The following CNOT4 variants were observed in gnomAD, a reference collection of about 807,000 sequenced individuals.
CNOT4 encodes the protein CCR4-associated factor 4.
In CNOT4, 8 loss-of-function variants were observed where a neutral mutation model predicts 73.8. The ratio of observed to expected loss-of-function variants is 0.11; its 90% CI spans 0.06 to 0.20. The LOEUF is 0.20. Ranked by LOEUF, CNOT4 falls within the 10% of genes least tolerant of loss-of-function variation. CNOT4 has a pLI of 1.00. For synonymous variants in CNOT4, 293 were observed against 321.1 expected, an observed-to-expected ratio of 0.91 and a Z score of 0.94; for missense variants, 564 against 883.4, an observed-to-expected ratio of 0.64 and a Z score of 4.58.
intron 10 of CNOT4, chr7:135,388,839 T>C (rs754378124): frequency 6.2e-7 from 1 of 1,613,148 alleles, no homozygotes; most frequent in Non-Finnish European, 8.5e-7. Context: ...GTCCTTGTTG[T>C]AATGAATGGG....
At chr7:135,419,539 G>A (rs981754214) in intron 3 of CNOT4, among the ~76,000 whole-genome samples, 1 of 151,996 alleles carries the variant, frequency 6.6e-6, no homozygotes, top group Non-Finnish European at 1.5e-5. Context: ...ATAAAGGAAA[G>A]CACCCATTTA....
intron 2 of CNOT4, among the ~76,000 whole-genome samples, chr7:135,429,059 T>C (rs1798672270): frequency 6.6e-6 from 1 of 152,178 alleles, no homozygotes. Context: ...GTCTACTTCA[T>C]CTATTTCTAA....
intron 10 of CNOT4, chr7:135,388,728 T>A (rs1424060377): frequency 1.3e-6 from 2 of 1,560,146 alleles, no homozygotes; most frequent in Non-Finnish European, 1.7e-6. Context: ...CATAAAGGAA[T>A]CATGCAAAAA....
At chr7:135,415,897 G>A (rs975586217) in intron 3 of CNOT4, among the ~76,000 whole-genome samples, 3 of 151,450 alleles carry the variant, frequency 2.0e-5, no homozygotes, top group East Asian at 1.9e-4. Context: ...GTAACATTTC[G>A]GAAACAAATT....
chr7:135,494,413 G>C (rs1803319087), intron 1 of CNOT4, among the ~76,000 whole-genome samples: 1 of 148,354 alleles, frequency 6.7e-6, no homozygotes, highest in African/African-American at 2.5e-5. Context: ...GAGGTTTCAG[G>C]GAGCCGAGAT....
chr7:135,376,426 C>A (rs1028341255), intron 10 of CNOT4, among the ~76,000 whole-genome samples: 1 of 152,020 alleles, frequency 6.6e-6, no homozygotes. Context: ...GCAGATCACT[C>A]GGGACTGGCC....
chr7:135,481,271 CA>C (rs1169083838), intron 1 of CNOT4, among the ~76,000 whole-genome samples: 1 of 151,374 alleles, frequency 6.6e-6, no homozygotes, highest in East Asian at 1.9e-4. Flanking sequence ...AAAAAGTGGG[CA>C]AAGGACATGA....
chr7:135,397,674 C>T (rs1376816630), intron 8 of CNOT4, among the ~76,000 whole-genome samples: 1 of 151,586 alleles, frequency 6.6e-6, no homozygotes, highest in Non-Finnish European at 1.5e-5. Context: ...ACGGTCAGCA[C>T]TCCACTCAGT....
At chr7:135,384,591 C>A (rs1300111585) in intron 10 of CNOT4, 1 of 741,614 alleles carries the variant, frequency 1.3e-6, no homozygotes, top group Non-Finnish European at 2.5e-6. Flanking sequence ...GGCCACCCAC[C>A]TCTCTTAAGC....
chr7:135,392,352 C>T (rs1411778037), intron 10 of CNOT4, among the ~76,000 whole-genome samples: 1 of 152,014 alleles, frequency 6.6e-6, no homozygotes, highest in African/African-American at 2.4e-5. Context: ...AATAGAAACC[C>T]TCATATTCAC....
intron 1 of CNOT4, among the ~76,000 whole-genome samples, chr7:135,472,323 A>G (rs1031417794): frequency 4.1e-5 from 6 of 145,412 alleles, no homozygotes; most frequent in African/African-American, 1.5e-4. Flanking sequence ...TAAAAATACA[A>G]AAAATTAGCC....
intron 10 of CNOT4, among the ~76,000 whole-genome samples, chr7:135,377,347 CAT>C (rs1206930412): frequency 5.3e-5 from 8 of 152,198 alleles, no homozygotes; most frequent in African/African-American, 1.9e-4. Context: ...TCCACTGTAA[CAT>C]ATGTTCCACC....
chr7:135,463,121 G>C (rs1426917016), intron 1 of CNOT4, among the ~76,000 whole-genome samples: 2 of 152,150 alleles, frequency 1.3e-5, no homozygotes, highest in African/African-American at 4.8e-5. Context: ...TGCTGTTTTG[G>C]TTACTGCAGC....
chr7:135,384,831 T>C (rs1796042691), intron 10 of CNOT4: 3 of 707,798 alleles, frequency 4.2e-6, no homozygotes, highest in South Asian at 1.5e-5. Flanking sequence ...TTCAACTTTG[T>C]TGTCAAATGT....
At chr7:135,487,377 G>A (rs578173129) in intron 1 of CNOT4, among the ~76,000 whole-genome samples, 16 of 151,790 alleles carry the variant, frequency 1.1e-4, no homozygotes, top group Middle Eastern at 3.4e-3. Context: ...AGTGGTGGTG[G>A]TATACACCAC....
At chr7:135,483,181 T>TA (rs376143035) in intron 1 of CNOT4, among the ~76,000 whole-genome samples, 11,002 of 136,648 alleles carry the variant, frequency 0.081, 514 homozygotes, top group East Asian at 0.16. Context: ...CAAAAAAATT[T>TA]AAAAAAAAAA....
Position 135,430,821 on chromosome 7 carries a change from C to A in CNOT4, c.174+7337G>T, listed in dbSNP as rs1798782945. ...TTCCTTGACCTGATAAAGACCAGAC[C>A]AAAAAATGCACACACAGCAACATAC... On this transcript the variant is annotated intron_variant, in intron 2 of 11. Transcript: ENST00000541284. 2.0e-5 allele frequency among the ~76,000 whole-genome samples: 3 copies of A among 151,996 alleles called. No individual in the cohort carries two copies. The South Asian group carries it at 6.3e-4, about 32-fold the overall frequency.
chr7:135,369,929 A>C (rs1795105985), intron 10 of CNOT4, among the ~76,000 whole-genome samples: 1 of 152,244 alleles, frequency 6.6e-6, no homozygotes, highest in Non-Finnish European at 1.5e-5. Context: ...GTCATATTGA[A>C]ATTTAAAAGA....
chr7:135,453,113 A>G (rs1800279815), intron 1 of CNOT4, among the ~76,000 whole-genome samples: 7 of 152,218 alleles, frequency 4.6e-5, no homozygotes, highest in Admixed American at 3.9e-4. Context: ...TCCAGGTATT[A>G]TAAGCTTAAA....
Sources: allele counts gnomAD v4.1 joint callset (sites outside exome capture counted in the v4.1 genomes callset), GRCh38; gene constraint gnomAD v4.1.1; transcripts MANE v1.5; gene names NCBI Gene and HGNC (gene_info 2026-07-23, HGNC 2026-07-21).